The following BTBD10 variants were observed in gnomAD, a reference collection of about 807,000 sequenced individuals.
The protein encoded by BTBD10 is BTB domain containing 10, also known as BTB/POZ domain-containing protein 10.
BTBD10 carries 21 observed loss-of-function variants against 53.2 expected under a neutral mutation model. That is an observed-to-expected ratio of 0.39 (90% CI 0.28 to 0.57). The LOEUF (loss-of-function observed/expected upper bound fraction) is 0.57. BTBD10 is among the 20% of genes least tolerant of loss of function. The pLI is 0.53. For synonymous variants in BTBD10, 149 were observed against 192.7 expected (o/e 0.77, Z 1.88); for missense variants, 360 against 594.7 (o/e 0.61, Z 4.10).
chr11:13,415,656 T>C (rs900494370), intron 5 of BTBD10, among the ~76,000 whole-genome samples: 1 of 152,134 alleles, frequency 6.6e-6, no homozygotes, highest in Non-Finnish European at 1.5e-5. Flanking sequence ...AATCACACTT[T>C]GTACTTTTAT....
Position 13,400,540 on chromosome 11 carries a change from C to G in BTBD10, c.1117+2628G>C, listed in dbSNP as rs557653360. ...CCTGCTTCGGCTCACGCACGGTGCG[C>G]TGCACCCACTGTCCTGCACCCACTG... is the stretch of plus-strand genomic sequence containing the variant. On this transcript the variant is annotated intron_variant, in intron 8 of 8. Coordinates refer to ENST00000278174, the MANE Select transcript of BTBD10 (RefSeq NM_032320.7). Among the ~76,000 whole-genome samples, 41 of 150,272 alleles carry G rather than the reference C, an allele frequency of 2.7e-4. No individual in the cohort carries two copies. The South Asian group carries it at 8.1e-3, about 30-fold the overall frequency.
chr11:13,401,556 A>G (rs1224584675), intron 8 of BTBD10, among the ~76,000 whole-genome samples: 6 of 152,226 alleles, frequency 3.9e-5, no homozygotes, highest in Admixed American at 3.9e-4. Flanking sequence ...AATAGTCGCC[A>G]TGTAGAGAAA....
At chr11:13,447,168 T>C (rs1214000042) in intron 1 of BTBD10, among the ~76,000 whole-genome samples, 1 of 152,146 alleles carries the variant, frequency 6.6e-6, no homozygotes, top group African/African-American at 2.4e-5. Context: ...CTTTTTCTTT[T>C]TCTTTCTCTC....
At chr11:13,409,666 C>A (rs1260409842) in intron 6 of BTBD10, among the ~76,000 whole-genome samples, 1 of 152,162 alleles carries the variant, frequency 6.6e-6, no homozygotes, top group African/African-American at 2.4e-5. Flanking sequence ...TTTGCCACTC[C>A]TTCAGGTCTC....
intron 8 of BTBD10, among the ~76,000 whole-genome samples, chr11:13,401,274 T>G (rs1227322246): frequency 6.6e-6 from 1 of 152,100 alleles, no homozygotes; most frequent in Non-Finnish European, 1.5e-5. Flanking sequence ...CCCAATGCTT[T>G]AGAGCACTGC....
intron 1 of BTBD10, among the ~76,000 whole-genome samples, chr11:13,456,691 T>C (rs1426480779): frequency 1.3e-5 from 2 of 152,192 alleles, no homozygotes; most frequent in Non-Finnish European, 2.9e-5. Flanking sequence ...AAACAGACAA[T>C]GCACAAAGAA....
At chr11:13,425,918 A>G (rs910708621) in intron 2 of BTBD10, among the ~76,000 whole-genome samples, 5 of 152,194 alleles carry the variant, frequency 3.3e-5, no homozygotes, top group Non-Finnish European at 7.4e-5. Flanking sequence ...AATGGAATTA[A>G]TGGGAGATTA....
At chr11:13,400,324 G>A (rs946340802) in intron 8 of BTBD10, among the ~76,000 whole-genome samples, 24 of 152,160 alleles carry the variant, frequency 1.6e-4, no homozygotes, top group Non-Finnish European at 2.6e-4. Context: ...GCAAGGCTCC[G>A]TGGGTGTAGG....
At chr11:13,399,135 A>G (rs552652812) in intron 8 of BTBD10, among the ~76,000 whole-genome samples, 153 of 152,318 alleles carry the variant, frequency 1.0e-3, no homozygotes, top group African/African-American at 3.4e-3. Context: ...AATATCCTGC[A>G]GAGTGTTTTC....
intron 2 of BTBD10, among the ~76,000 whole-genome samples, chr11:13,429,058 G>C (rs933629430): frequency 1.3e-5 from 2 of 151,620 alleles, no homozygotes; most frequent in Non-Finnish European, 2.9e-5. Flanking sequence ...TATGACAAAA[G>C]ATGTGAAAAA....
At chr11:13,405,146 A>G (rs1949792149) in intron 7 of BTBD10, among the ~76,000 whole-genome samples, 1 of 152,196 alleles carries the variant, frequency 6.6e-6, no homozygotes, top group African/African-American at 2.4e-5. Context: ...AAGAACTATA[A>G]TTCTACAAAG....
chr11:13,433,838 T>TA (rs1246207320), intron 2 of BTBD10, among the ~76,000 whole-genome samples: 4 of 152,154 alleles, frequency 2.6e-5, no homozygotes, highest in Non-Finnish European at 5.9e-5. Context: ...AACTATAATA[T>TA]AAAAAATGCT....
chr11:13,446,212 G>C (rs1045912929), intron 1 of BTBD10, among the ~76,000 whole-genome samples: 9 of 152,108 alleles, frequency 5.9e-5, no homozygotes, highest in African/African-American at 2.2e-4. Context: ...ACCCACTCCT[G>C]TATACCTTCT....
intron 2 of BTBD10, among the ~76,000 whole-genome samples, chr11:13,425,759 A>G (rs1282962517): frequency 6.6e-6 from 1 of 152,198 alleles, no homozygotes; most frequent in African/African-American, 2.4e-5. Flanking sequence ...AAAAAATGAT[A>G]AATGTTTGAG....
At chr11:13,399,113 G>A (rs1029270833) in intron 8 of BTBD10, among the ~76,000 whole-genome samples, 2 of 152,174 alleles carry the variant, frequency 1.3e-5, no homozygotes, top group Admixed American at 6.5e-5. Context: ...GATTGGGGAA[G>A]TTCTCCTGGA....
intron 1 of BTBD10, among the ~76,000 whole-genome samples, chr11:13,462,405 G>A (rs1258596426): frequency 6.6e-6 from 1 of 152,204 alleles, no homozygotes; most frequent in Non-Finnish European, 1.5e-5. Flanking sequence ...GTCTGGACTA[G>A]TGACTTTTCA....
At chr11:13,435,891 T>C (rs1052505919) in intron 2 of BTBD10, among the ~76,000 whole-genome samples, 1 of 152,186 alleles carries the variant, frequency 6.6e-6, no homozygotes, top group African/African-American at 2.4e-5. Context: ...CTCCCCACTA[T>C]GCCTTTTATT....
intron 1 of BTBD10, among the ~76,000 whole-genome samples, chr11:13,445,700 G>A (rs1375976888): frequency 1.3e-5 from 2 of 152,098 alleles, no homozygotes; most frequent in Non-Finnish European, 2.9e-5. Context: ...ATAAATGTAC[G>A]TAAGCATTCT....
chr11:13,416,048 A>T (rs959127432), intron 5 of BTBD10, among the ~76,000 whole-genome samples: 2 of 152,202 alleles, frequency 1.3e-5, no homozygotes, highest in African/African-American at 4.8e-5. Flanking sequence ...ACCTCAAAAA[A>T]AAGTTTTAAA....
Sources: gnomAD v4.1 joint callset for allele counts (sites outside exome capture counted in the v4.1 genomes callset) on GRCh38, gnomAD v4.1.1 for gene constraint, MANE v1.5 for transcripts, NCBI Gene and HGNC (gene_info 2026-07-23, HGNC 2026-07-21) for gene names.